RAB31: variants seen among roughly 807,000 people sequenced by gnomAD.
RAB31 encodes RAB31, member RAS oncogene family.
In RAB31, 21 loss-of-function variants were observed where a neutral mutation model predicts 25.6. The ratio of observed to expected loss-of-function variants is 0.82; its 90% CI spans 0.58 to 1.18. The LOEUF (loss-of-function observed/expected upper bound fraction) is 1.18, where lower values mean the gene tolerates loss of function less well. Among genes scored for constraint, RAB31 ranks in the 50% most tolerant of loss-of-function variants. The probability of loss-of-function intolerance (pLI) is 0.00; values close to 1 mark genes in which losing one functional copy is unlikely to be tolerated. For missense variants in RAB31, 196 were observed against 250.1 expected, an observed-to-expected ratio of 0.78 and a Z score of 1.46; for synonymous variants, 87 against 84.0, an observed-to-expected ratio of 1.04 and a Z score of -0.20.
intron 5 of RAB31, among the ~76,000 whole-genome samples, chr18:9,819,324 T>A (rs2068614147): frequency 6.6e-6 from 1 of 152,144 alleles, no homozygotes; most frequent in Non-Finnish European, 1.5e-5. Context: ...GTTGAAGAGA[T>A]GGTTTCTTTC....
At chr18:9,771,351 C>G (rs903837146) in intron 1 of RAB31, among the ~76,000 whole-genome samples, 10 of 152,100 alleles carry the variant, frequency 6.6e-5, no homozygotes, top group African/African-American at 2.4e-4. Flanking sequence ...GACAAGACGG[C>G]CTGTGGTATT....
intron 5 of RAB31, chr18:9,816,240 A>G (rs1333885669): frequency 1.1e-5 from 2 of 184,254 alleles, no homozygotes; most frequent in African/African-American, 4.7e-5. Flanking sequence ...TTTGGTAGTC[A>G]ATGTGGCATT....
intron 3 of RAB31, among the ~76,000 whole-genome samples, chr18:9,812,186 A>C (rs1309961111): frequency 1.3e-5 from 2 of 152,302 alleles, no homozygotes; most frequent in East Asian, 3.9e-4. Context: ...CCACCTCCTA[A>C]TACCGCCACG....
chr18:9,730,286 A>AT, intron 1 of RAB31, among the ~76,000 whole-genome samples: 1 of 122,246 alleles, frequency 8.2e-6, no homozygotes, highest in East Asian at 2.3e-4. Context: ...GCCTCACCTT[A>AT]TCTTTTTTTT....
intron 3 of RAB31, among the ~76,000 whole-genome samples, chr18:9,804,171 G>C (rs2068528140): frequency 6.6e-6 from 1 of 152,164 alleles, no homozygotes; most frequent in Admixed American, 6.5e-5. Flanking sequence ...TTGCCCCTCG[G>C]GGGTTCTTTT....
At chr18:9,777,489 G>A (rs2068378236) in intron 2 of RAB31, among the ~76,000 whole-genome samples, 1 of 152,124 alleles carries the variant, frequency 6.6e-6, no homozygotes, top group African/African-American at 2.4e-5. Flanking sequence ...ATAAAGAATT[G>A]TCTCCCAACA....
intron 1 of RAB31, among the ~76,000 whole-genome samples, chr18:9,726,507 G>A (rs1003725959): frequency 6.6e-6 from 1 of 151,950 alleles, no homozygotes; most frequent in Non-Finnish European, 1.5e-5. Context: ...AACCTTGCCT[G>A]GCATGTAATA....
chr18:9,800,216 T>C (rs2068507068), intron 3 of RAB31, among the ~76,000 whole-genome samples: 1 of 152,212 alleles, frequency 6.6e-6, no homozygotes, highest in Non-Finnish European at 1.5e-5. Context: ...GGTGAAGAGC[T>C]GGGGATAATA....
At chr18:9,784,688 G>A (rs1038860443) in intron 2 of RAB31, among the ~76,000 whole-genome samples, 28 of 151,908 alleles carry the variant, frequency 1.8e-4, no homozygotes, top group African/African-American at 6.3e-4. Context: ...ACGTAGCTGG[G>A]ATTACAGGCA....
rs78082874 is a variant in RAB31, at chr18:9,720,761, T to C, written c.39+12317T>C. Reference sequence around the variant, plus strand: ...ATTTCGTTAAAACCTGCAAAATGTGTTGCAGGGGACAAGGAGATGCTTGAC... The same window carrying C: ...ATTTCGTTAAAACCTGCAAAATGTGCTGCAGGGGACAAGGAGATGCTTGAC... On this transcript the variant is annotated intron_variant, in intron 1 of 6. Coordinates refer to ENST00000578921, the MANE Select transcript of RAB31 (RefSeq NM_006868.4). 2.6e-3 allele frequency among the ~76,000 whole-genome samples: 390 copies of C among 152,068 alleles called. 4 individuals are homozygous for C. The highest frequency in any genetic ancestry group is 9.0e-3 in the African/African-American group (372 of 41,438).
In RAB31 at chr18:9,859,400, C is replaced by CGGTG; in HGVS notation, c.*77_*80dup. 7.6e-7 allele frequency: 1 copy of CGGTG among 1,315,434 alleles called. No homozygotes were observed. The highest frequency in any genetic ancestry group is 1.3e-5 in the South Asian group (1 of 78,730). 81.5% of individuals were successfully genotyped at this position (1,315,434 alleles called of 1,614,324 possible). On this transcript the variant is annotated 3_prime_UTR_variant, in exon 7 of 7. Coordinates refer to ENST00000578921, the MANE Select transcript of RAB31 (RefSeq NM_006868.4). Reference sequence around the variant, plus strand: ...GTGCACTGCTGAAGGACCCTACGCTCGGTGGCCTGGCACCTCACTTTGAGA... The same window carrying CGGTG: ...GTGCACTGCTGAAGGACCCTACGCTCGGTGGGTGGCCTGGCACCTCACTTTGAGA...
chr18:9,854,240 G>A (rs1184644178), intron 6 of RAB31, among the ~76,000 whole-genome samples: 3 of 151,982 alleles, frequency 2.0e-5, no homozygotes, highest in Middle Eastern at 3.4e-3. Flanking sequence ...TTGGTTTTCT[G>A]TTCCTGTGTT....
At chr18:9,806,049 C>G (rs531422135) in intron 3 of RAB31, among the ~76,000 whole-genome samples, 1 of 152,080 alleles carries the variant, frequency 6.6e-6, no homozygotes, top group Non-Finnish European at 1.5e-5. Flanking sequence ...TGGTGGCAGG[C>G]ATCTGTAGTC....
At chr18:9,736,533 C>T (rs1599018082) in intron 1 of RAB31, among the ~76,000 whole-genome samples, 1 of 152,048 alleles carries the variant, frequency 6.6e-6, no homozygotes, top group Admixed American at 6.6e-5. Context: ...CTGAGATTTC[C>T]CAGTGTATGT....
At chr18:9,829,290 G>A (rs1025564793) in intron 5 of RAB31, among the ~76,000 whole-genome samples, 2 of 152,116 alleles carry the variant, frequency 1.3e-5, no homozygotes, top group Admixed American at 6.5e-5. Context: ...AGATTTGCCC[G>A]TTTTTGAACT....
In RAB31 at chr18:9,740,735, G is replaced by C. The variant is rs148490588; in HGVS notation, c.39+32291G>C. Among the ~76,000 whole-genome samples the C allele has an allele frequency of 2.1e-3, 316 of 152,096 alleles. 5 individuals are homozygous for C. Among genetic ancestry groups the C allele is most frequent in the African/African-American group, 7.3e-3 (304 of 41,482 alleles). On this transcript the variant is annotated intron_variant, in intron 1 of 6. Transcript: ENST00000578921. The stretch of plus-strand genomic sequence containing the variant: ...CTCAAAAAAAAAAATTCTTTTGGTG[G>C]GTTAATGTTACCCAGAAGCAGATCA...
chr18:9,820,699 C>G (rs149656306), intron 5 of RAB31, among the ~76,000 whole-genome samples: 1 of 152,028 alleles, frequency 6.6e-6, no homozygotes, highest in African/African-American at 2.4e-5. Context: ...AATCCCATGA[C>G]CAATTAAATA....
intron 6 of RAB31, among the ~76,000 whole-genome samples, chr18:9,854,916 A>G (rs535940116): frequency 6.6e-6 from 1 of 152,352 alleles, no homozygotes; most frequent in African/African-American, 2.4e-5. Flanking sequence ...TGGATGTTAC[A>G]CAGCAACTGC....
At chr18:9,759,783 T>C (rs1386226992) in intron 1 of RAB31, among the ~76,000 whole-genome samples, 1 of 152,114 alleles carries the variant, frequency 6.6e-6, no homozygotes, top group African/African-American at 2.4e-5. Flanking sequence ...ATTTTGCCTC[T>C]CTATGGTGGT....
Sources: gnomAD v4.1 joint callset for allele counts (sites outside exome capture counted in the v4.1 genomes callset) on GRCh38, gnomAD v4.1.1 for gene constraint, MANE v1.5 for transcripts, NCBI Gene and HGNC (gene_info 2026-07-23, HGNC 2026-07-21) for gene names.